The following UCK2 variants were observed in gnomAD, a reference collection of about 807,000 sequenced individuals.
UCK2 encodes the protein cytidine monophosphokinase 2.
UCK2 carries 6 observed loss-of-function variants against 30.8 expected under a neutral mutation model. The observed-to-expected ratio is 0.19, with a 90% confidence interval of 0.11 to 0.38. The LOEUF (loss-of-function observed/expected upper bound fraction) is 0.38. UCK2 is among the 10% of genes least tolerant of loss of function. UCK2 has a pLI of 1.00. For missense variants in UCK2, 210 were observed against 339.8 expected (o/e 0.62, Z 3.00); for synonymous variants, 125 against 133.6 (o/e 0.94, Z 0.45).
intron 1 of UCK2, among the ~76,000 whole-genome samples, chr1:165,854,496 C>T (rs554028651): frequency 2.4e-4 from 37 of 152,190 alleles, no homozygotes; most frequent in Admixed American, 2.0e-3. Flanking sequence ...GGCGCCATTG[C>T]CAGCCTGACC....
At chr1:165,884,201 A>G (rs900015122) in intron 1 of UCK2, among the ~76,000 whole-genome samples, 1 of 152,208 alleles carries the variant, frequency 6.6e-6, no homozygotes, top group Non-Finnish European at 1.5e-5. Flanking sequence ...GAGGAGGCCA[A>G]GCGTCTGGCC....
At chr1:165,889,755 C>G (rs1265498742) in intron 1 of UCK2, among the ~76,000 whole-genome samples, 1 of 144,868 alleles carries the variant, frequency 6.9e-6, no homozygotes, top group East Asian at 2.0e-4. Context: ...AAACTTGTGT[C>G]ACAGAGGTTT....
At chr1:165,851,050 C>T (rs1158667643) in intron 1 of UCK2, among the ~76,000 whole-genome samples, 2 of 151,338 alleles carry the variant, frequency 1.3e-5, no homozygotes, top group East Asian at 3.9e-4. Context: ...AGGTGTGAGC[C>T]AGTGCACCCA....
At chr1:165,857,194 C>T (rs1455717685) in intron 1 of UCK2, among the ~76,000 whole-genome samples, 2 of 152,160 alleles carry the variant, frequency 1.3e-5, no homozygotes, top group African/African-American at 4.8e-5. Flanking sequence ...TCCCCAAGCA[C>T]ATGCAGCTAG....
chr1:165,830,080 A>G (rs1007395858), intron 1 of UCK2, among the ~76,000 whole-genome samples: 1 of 151,858 alleles, frequency 6.6e-6, no homozygotes, highest in Non-Finnish European at 1.5e-5. Flanking sequence ...ATCTTGGCTT[A>G]CTGTACCCTC....
chr1:165,832,573 A>G (rs762080750), intron 1 of UCK2, among the ~76,000 whole-genome samples: 9 of 152,020 alleles, frequency 5.9e-5, no homozygotes, highest in Non-Finnish European at 1.0e-4. Context: ...GGAACTTTTG[A>G]CTTAGTGGTA....
chr1:165,900,773 G>C (rs1214694747), intron 4 of UCK2: 2 of 152,424 alleles, frequency 1.3e-5, no homozygotes, highest in Non-Finnish European at 2.9e-5. Context: ...TGTGCTGGGA[G>C]AAGGACAAAG....
intron 1 of UCK2, among the ~76,000 whole-genome samples, chr1:165,828,761 C>T (rs1406604724): frequency 1.3e-5 from 2 of 152,016 alleles, no homozygotes; most frequent in African/African-American, 2.4e-5. Context: ...GAAATGACTT[C>T]CTAGCTTTAC....
chr1:165,837,646 C>T (rs952282635), intron 1 of UCK2, among the ~76,000 whole-genome samples: 2 of 152,150 alleles, frequency 1.3e-5, no homozygotes, highest in South Asian at 2.1e-4. Flanking sequence ...CTTGTTTAGT[C>T]TATCTTCTCT....
intron 1 of UCK2, among the ~76,000 whole-genome samples, chr1:165,844,949 A>T (rs913127522): frequency 1.3e-5 from 2 of 152,144 alleles, no homozygotes; most frequent in African/African-American, 4.8e-5. Flanking sequence ...TGTTCCCTTT[A>T]TAATAAATGG....
chr1:165,907,554 A>G, intron 6 of UCK2, 130 bp from the exon 7 acceptor site: 1 of 1,309,744 alleles, frequency 7.6e-7, no homozygotes, highest in Non-Finnish European at 1.0e-6. Context: ...CTTGCCTGCA[A>G]GTGGCAGAGC....
rs1186178888 is a variant in UCK2 at position 165,910,361 on chromosome 1, C to T, written c.*2538C>T. The T allele has an allele frequency of 2.6e-5, 4 of 152,196 alleles. No homozygotes were observed. Among genetic ancestry groups the T allele is most frequent in the South Asian group, 2.1e-4 (1 of 4,826 alleles). The allele number at this position is 152,196 out of a possible 1,614,324, so 9.4% of individuals were successfully genotyped here. Reference sequence around the variant, plus strand: ...AACCATGACATTTGCCATCTAGGTACTCTGCTGTTCAGGGTGGAGGCACAG... The same window carrying T: ...AACCATGACATTTGCCATCTAGGTATTCTGCTGTTCAGGGTGGAGGCACAG... On this transcript the variant is annotated 3_prime_UTR_variant, in exon 7 of 7. Coordinates refer to ENST00000367879, the MANE Select transcript of UCK2 (RefSeq NM_012474.5).
In UCK2 at chr1:165,907,988, C is replaced by T. The variant is rs1647730002; in HGVS notation, c.*165C>T. The T allele has an allele frequency of 1.0e-6, 1 of 990,944 alleles. No individual in the cohort carries two copies. Among genetic ancestry groups the T allele is most frequent in the African/African-American group, 1.6e-5 (1 of 60,802 alleles). The allele number at this position is 990,944 out of a possible 1,614,324, so 61.4% of individuals were successfully genotyped here. A position where few individuals can be genotyped will look rare whatever the true frequency, so the allele number is the denominator to read the frequency against. On this transcript the variant is annotated 3_prime_UTR_variant, in exon 7 of 7. Coordinates refer to ENST00000367879, the MANE Select transcript of UCK2 (RefSeq NM_012474.5). The stretch of plus-strand genomic sequence containing the variant: ...TTTTTCTTTTTGTACTTTGGAACGA[C>T]AAAATGAAACAGAACTTGACCCTGA...
chr1:165,870,803 T>A (rs1195791997), intron 1 of UCK2, among the ~76,000 whole-genome samples: 1 of 152,252 alleles, frequency 6.6e-6, no homozygotes, highest in Admixed American at 6.5e-5. Context: ...GAAGGCTTCA[T>A]TGGACAAAAA....
intron 1 of UCK2, among the ~76,000 whole-genome samples, chr1:165,865,026 C>T (rs1655016603): frequency 1.3e-5 from 2 of 152,132 alleles, no homozygotes; most frequent in South Asian, 4.1e-4. Flanking sequence ...CACACACACA[C>T]TTTTGGTAAC....
At chr1:165,878,933 A>G (rs1385428666) in intron 1 of UCK2, among the ~76,000 whole-genome samples, 1 of 152,240 alleles carries the variant, frequency 6.6e-6, no homozygotes, top group Non-Finnish European at 1.5e-5. Context: ...CAGCCCTACC[A>G]GCAATGAGTG....
At chr1:165,833,718 T>C (rs1654112820) in intron 1 of UCK2, among the ~76,000 whole-genome samples, 1 of 152,202 alleles carries the variant, frequency 6.6e-6, no homozygotes, top group Non-Finnish European at 1.5e-5. Context: ...TAGTGGGCTC[T>C]GTGATGGTGC....
intron 1 of UCK2, among the ~76,000 whole-genome samples, chr1:165,883,149 C>G (rs1048940820): frequency 2.6e-5 from 4 of 152,118 alleles, no homozygotes; most frequent in African/African-American, 9.7e-5. Context: ...TTATTTGAAT[C>G]TTGGGCTTTT....
chr1:165,847,214 T>C (rs889486800), intron 1 of UCK2, among the ~76,000 whole-genome samples: 2 of 152,264 alleles, frequency 1.3e-5, no homozygotes, highest in African/African-American at 4.8e-5. Context: ...AGTTACTCGC[T>C]GTGTGTCAAT....
Sources: allele counts gnomAD v4.1 joint callset (sites outside exome capture counted in the v4.1 genomes callset), GRCh38; gene constraint gnomAD v4.1.1; transcripts MANE v1.5; gene names NCBI Gene and HGNC (gene_info 2026-07-23, HGNC 2026-07-21).